Variants in GRIA4 observed in about 807,000 individuals in gnomAD.
The protein encoded by GRIA4 is glutamate receptor 4.
Under a neutral mutation model 104.0 loss-of-function variants are expected in GRIA4, and 34 were observed. That is an observed-to-expected ratio of 0.33 (90% CI 0.25 to 0.44). The LOEUF is 0.44. Ranked by LOEUF, GRIA4 falls within the 20% of genes least tolerant of loss-of-function variation. The pLI is 1.00. For missense variants in GRIA4, 750 were observed against 1,096.5 expected, an observed-to-expected ratio of 0.68 and a Z score of 4.46; for synonymous variants, 386 against 381.9, an observed-to-expected ratio of 1.01 and a Z score of -0.13.
intron 3 of GRIA4, among the ~76,000 whole-genome samples, chr11:105,619,513 G>A (rs1277473555): frequency 1.6e-4 from 24 of 151,802 alleles, no homozygotes; most frequent in Admixed American, 2.6e-4. Flanking sequence ...ACTTCTCACT[G>A]AATTGTTAAT....
chr11:105,842,338 T>C (rs1359121462), intron 4 of GRIA4, among the ~76,000 whole-genome samples: 1 of 152,096 alleles, frequency 6.6e-6, no homozygotes, highest in Non-Finnish European at 1.5e-5. Flanking sequence ...TACCAGGATA[T>C]GACTTTAAAT....
chr11:105,647,867 G>A (rs1250491355), intron 3 of GRIA4, among the ~76,000 whole-genome samples: 3 of 152,038 alleles, frequency 2.0e-5, no homozygotes, highest in East Asian at 1.9e-4. Flanking sequence ...TCTGAGGTGG[G>A]AGAATTCCTT....
Position 105,739,060 on chromosome 11 carries a change from C to A in GRIA4, c.248-13921C>A, listed in dbSNP as rs1939146249. On this transcript the variant is annotated intron_variant, in intron 3 of 16. Coordinates refer to ENST00000282499, the MANE Select transcript of GRIA4 (RefSeq NM_000829.4). ...CCTTCCAAAAGCTCACTTATTGTAGCCCTTACGGTTACGGATTAGTAGTAT... is the reference window on the plus strand; with the variant it reads ...CCTTCCAAAAGCTCACTTATTGTAGACCTTACGGTTACGGATTAGTAGTAT... 3.3e-5 allele frequency among the ~76,000 whole-genome samples: 5 copies of A among 151,882 alleles called. No homozygotes were observed. The South Asian group carries it at 1.0e-3, about 31-fold the overall frequency.
intron 13 of GRIA4, among the ~76,000 whole-genome samples, chr11:105,929,713 A>C (rs774616646): frequency 1.3e-5 from 2 of 152,152 alleles, no homozygotes; most frequent in Non-Finnish European, 2.9e-5. Flanking sequence ...CAGTCTTGCC[A>C]AGTAAGCTAC....
intron 3 of GRIA4, among the ~76,000 whole-genome samples, chr11:105,639,119 C>T (rs1951287948): frequency 6.6e-6 from 1 of 152,080 alleles, no homozygotes; most frequent in African/African-American, 2.4e-5. Flanking sequence ...GGAATACTTA[C>T]TTAATCACAT....
At chr11:105,689,408 T>C (rs1039824808) in intron 3 of GRIA4, among the ~76,000 whole-genome samples, 2 of 152,116 alleles carry the variant, frequency 1.3e-5, no homozygotes, top group African/African-American at 2.4e-5. Flanking sequence ...GCATGATGAG[T>C]TGTGTACGTT....
chr11:105,665,955 G>T (rs145939957), intron 3 of GRIA4, among the ~76,000 whole-genome samples: 2 of 151,980 alleles, frequency 1.3e-5, no homozygotes, highest in African/African-American at 4.8e-5. Context: ...GCCCAAGAAG[G>T]ATACTATTCA....
Position 105,887,507 on chromosome 11 carries a change from A to G in GRIA4, c.673-12A>G, listed in dbSNP as rs757074318. ...AAAATTGATTTTCTCTTATTTGCTT[A>G]TATCTTCACAGATTGTAAGTGTTGG... On this transcript the variant is annotated splice_polypyrimidine_tract_variant and intron_variant, in intron 5 of 16. Coordinates refer to ENST00000282499, the MANE Select transcript of GRIA4 (RefSeq NM_000829.4). 1 of 1,224,122 alleles carries G rather than the reference A, an allele frequency of 8.2e-7. No homozygotes were observed. Among genetic ancestry groups the G allele is most frequent in the Non-Finnish European group, 1.2e-6 (1 of 854,008 alleles). The allele number at this position is 1,224,122 out of a possible 1,614,324, so 75.8% of individuals were successfully genotyped here.
chr11:105,702,690 C>CTTTTTTTTTTTTTT lies in GRIA4; in HGVS notation c.248-50288_248-50287insTTTTTTTTTTTTTT, dbSNP rs150923757. On this transcript the variant is annotated intron_variant, in intron 3 of 16. Coordinates refer to ENST00000282499, the MANE Select transcript of GRIA4 (RefSeq NM_000829.4). ...TTATAAGATATGCAAAATTATTTTC[C>CTTTTTTTTTTTTTT]TTTCTTTTTTTTTTTTTTTTTTTTG... 3.1e-5 allele frequency among the ~76,000 whole-genome samples: 3 copies of CTTTTTTTTTTTTTT among 96,074 alleles called. 1 individual carries two copies. The highest frequency in any genetic ancestry group is 5.7e-5 in the Non-Finnish European group (3 of 52,524). The allele number at this position is 96,074 out of a possible 152,430, so 63.0% of individuals were successfully genotyped here.
chr11:105,761,589 A>G (rs780953792), intron 4 of GRIA4, among the ~76,000 whole-genome samples: 1 of 152,144 alleles, frequency 6.6e-6, no homozygotes, highest in Non-Finnish European at 1.5e-5. Flanking sequence ...CTCAACTCCA[A>G]TGTGGCAGTG....
chr11:105,610,679 C>T (rs1429327340), intron 1 of GRIA4: 1 of 294,036 alleles, frequency 3.4e-6, no homozygotes, highest in Non-Finnish European at 6.5e-6. Flanking sequence ...CTCATCCCTG[C>T]GAGCAGCCAC....
At position 105,843,103 on chromosome 11, in the gene GRIA4, T is replaced by G. The variant is rs558815543; in HGVS notation, c.488-18921T>G. On this transcript the variant is annotated intron_variant, in intron 4 of 16. Transcript: ENST00000282499. ...AGAGCCGTGAAAGCAGTTTTGTTTT[T>G]GGGGTTTTTCATTTGTTTGTTTTTA... is the stretch of plus-strand genomic sequence containing the variant. 5.3e-4 allele frequency among the ~76,000 whole-genome samples: 81 copies of G among 152,276 alleles called. 1 individual carries two copies. The highest frequency in any genetic ancestry group is 1.9e-3 in the African/African-American group (77 of 41,564).
At chr11:105,872,245 G>A (rs903186503) in intron 5 of GRIA4, among the ~76,000 whole-genome samples, 93 of 151,954 alleles carry the variant, frequency 6.1e-4, no homozygotes, top group African/African-American at 2.2e-3. Context: ...ATTCATCCAA[G>A]AAAATAAAAG....
At chr11:105,757,624 C>T (rs1940389531) in intron 4 of GRIA4, among the ~76,000 whole-genome samples, 1 of 152,094 alleles carries the variant, frequency 6.6e-6, no homozygotes, top group African/African-American at 2.4e-5. Context: ...ATGCAGACCT[C>T]CGTGAATATC....
chr11:105,856,973 T>C (rs1945030416), intron 4 of GRIA4, among the ~76,000 whole-genome samples: 1 of 152,208 alleles, frequency 6.6e-6, no homozygotes, highest in Admixed American at 6.6e-5. Flanking sequence ...AGCTTCAGGC[T>C]GTAAAAGTAG....
At chr11:105,810,043 T>C (rs751931108) in intron 4 of GRIA4, among the ~76,000 whole-genome samples, 1 of 152,156 alleles carries the variant, frequency 6.6e-6, no homozygotes, top group Admixed American at 6.6e-5. Flanking sequence ...TAACAATTCA[T>C]TGGTTTCTAC....
At chr11:105,755,883 T>C (rs886646655) in intron 4 of GRIA4, among the ~76,000 whole-genome samples, 1 of 152,172 alleles carries the variant, frequency 6.6e-6, no homozygotes, top group African/African-American at 2.4e-5. Context: ...CTGGTACTTA[T>C]GCCATCCATC....
At chr11:105,771,870 A>C (rs1393944840) in intron 4 of GRIA4, among the ~76,000 whole-genome samples, 1 of 152,076 alleles carries the variant, frequency 6.6e-6, no homozygotes, top group Non-Finnish European at 1.5e-5. Flanking sequence ...AGTCTATTTT[A>C]TCATTTACTA....
chr11:105,882,294 T>C (rs1294617133), intron 5 of GRIA4, among the ~76,000 whole-genome samples: 1 of 152,218 alleles, frequency 6.6e-6, no homozygotes, highest in East Asian at 1.9e-4. Flanking sequence ...CAGTTATTTC[T>C]ATTCTAGTGT....
Sources: allele counts gnomAD v4.1 joint callset (sites outside exome capture counted in the v4.1 genomes callset), GRCh38; gene constraint gnomAD v4.1.1; transcripts MANE v1.5; gene names NCBI Gene and HGNC (gene_info 2026-07-23, HGNC 2026-07-21).